The following GGA3 variants were observed in gnomAD, a reference collection of about 807,000 sequenced individuals.
GGA3 encodes the protein golgi associated, gamma adaptin ear containing, ARF binding protein 3.
In GGA3, 57 loss-of-function variants were observed where a neutral mutation model predicts 77.5. The ratio of observed to expected loss-of-function variants is 0.74; its 90% CI spans 0.59 to 0.92. GGA3 has a LOEUF of 0.92. Ranked by LOEUF, GGA3 falls within the 40% of genes least tolerant of loss-of-function variation. GGA3 has a pLI of 0.00. For synonymous variants in GGA3, 416 were observed against 383.7 expected, an observed-to-expected ratio of 1.08 and a Z score of -0.98; for missense variants, 970 against 914.9, an observed-to-expected ratio of 1.06 and a Z score of -0.78.
At position 75,243,331 on chromosome 17, in the gene GGA3, G is replaced by A. The variant is rs2076640392; in HGVS notation, c.424+116C>T. The A allele has an allele frequency of 2.2e-6, 3 of 1,361,450 alleles. No individual in the cohort carries two copies. The South Asian group carries it at 3.8e-5, about 17-fold the overall frequency. The allele number at this position is 1,361,450 out of a possible 1,614,324, so 84.3% of individuals were successfully genotyped here. The stretch of plus-strand genomic sequence containing the variant: ...TCCAACTCCGACTCAGCCTTGCCTG[G>A]GGACAAATGCTGTTCTCTTCAGGAG... On this transcript the variant is annotated intron_variant, in intron 5 of 16. Transcript: ENST00000537686.
intron 1 of GGA3, among the ~76,000 whole-genome samples, chr17:75,256,540 G>A (rs1395525394): frequency 2.0e-5 from 3 of 151,872 alleles, no homozygotes; most frequent in Admixed American, 6.6e-5. Context: ...CCCTGATCAC[G>A]CTTGATTTAT....
rs541997679 is a variant in GGA3, at chr17:75,239,598, C to A, written c.1584-27G>T. The A allele has an allele frequency of 2.0e-6, 3 of 1,531,934 alleles. No homozygotes were observed. The South Asian group carries it at 3.6e-5, about 18-fold the overall frequency. 94.9% of individuals were successfully genotyped at this position (1,531,934 alleles called of 1,614,324 possible). A position where few individuals can be genotyped will look rare whatever the true frequency, so the allele number is the denominator to read the frequency against. ...TGGGAGGTGGGAAGGATGGAAAGCA[C>A]GTCAGAGAGCCAGCCAGAGCTGCAG... On this transcript the variant is annotated intron_variant, in intron 13 of 16. Coordinates refer to ENST00000537686, the MANE Select transcript of GGA3 (RefSeq NM_138619.4).
At position 75,241,052 on chromosome 17, in the gene GGA3, T is replaced by A. The variant is rs139136653; in HGVS notation, c.952A>T (p.Ser318Cys). ...AGCGTGCCTTGGTTACTGCACTGACTGTTTCCTGGATGGGTCAACAGAGCA... is the reference window on the plus strand; with the variant it reads ...AGCGTGCCTTGGTTACTGCACTGACAGTTTCCTGGATGGGTCAACAGAGCA... The part of the protein sequence containing the change: ...TLTLPDSEGN[S>C]QCSNQGTLID... The change falls in exon 11 of 17, where the codon AGT becomes TGT. Residue 318 changes from serine (S) to cysteine (C), a missense_variant. By Grantham distance (112) the Ser-to-Cys change is moderately radical. Coordinates refer to ENST00000537686, the MANE Select transcript of GGA3 (RefSeq NM_138619.4). The A allele has an allele frequency of 2.5e-6, 4 of 1,614,112 alleles. No individual in the cohort carries two copies. Among genetic ancestry groups the A allele is most frequent in the Non-Finnish European group, 3.4e-6 (4 of 1,180,008 alleles).
rs565182323 is a variant in GGA3, at chr17:75,241,305, A to G, written c.946+95T>C. The stretch of plus-strand genomic sequence containing the variant: ...AAAGAACTCCCTTGGGCCTTGTGCA[A>G]CACCACCACGCTGGCCAGCCTACAC... On this transcript the variant is annotated intron_variant, in intron 10 of 16. Transcript: ENST00000537686. 7 of 862,538 alleles carry G rather than the reference A, an allele frequency of 8.1e-6. No homozygotes were observed. The African/African-American group carries it at 1.2e-4, about 14-fold the overall frequency. 53.4% of individuals were successfully genotyped at this position (862,538 alleles called of 1,614,324 possible). A position where few individuals can be genotyped will look rare whatever the true frequency, so the allele number is the denominator to read the frequency against.
At chr17:75,240,664 C>A in intron 11 of GGA3, 148 bp downstream of exon 11, 1 of 924,944 alleles carries the variant, frequency 1.1e-6, no homozygotes, top group East Asian at 2.6e-5. Context: ...CCCTCAGGGT[C>A]GCTGAACTTC....
At chr17:75,248,828 A>ACAACAAC (rs2076859496) in intron 1 of GGA3, 1 of 978,438 alleles carries the variant, frequency 1.0e-6, no homozygotes, top group Non-Finnish European at 1.2e-6. Flanking sequence ...AAACAAAAAA[A>ACAACAAC]AAAAAACTCA....
At position 75,240,062 on chromosome 17, in the gene GGA3, GC is replaced by G; in HGVS notation, c.1309del (p.Ala437LeufsTer87). On this transcript the variant is annotated frameshift_variant, in exon 13 of 17. Coordinates refer to ENST00000537686, the MANE Select transcript of GGA3 (RefSeq NM_138619.4). LOFTEE classifies it high-confidence loss of function. ...LDFFSPRPGT[A>X]ACGASDAPLL... ...AGGAGCATCGGAGGCGCCACAGGCA[GC>G]GGTCCCCGGCCTGGGGCTGAAGAAG... The G allele has an allele frequency of 6.4e-7, 1 of 1,551,838 alleles. No individual in the cohort carries two copies. The highest frequency in any genetic ancestry group is 8.7e-7 in the Non-Finnish European group (1 of 1,148,458).
At position 75,261,536 on chromosome 17, in the gene GGA3, G is replaced by A. The variant is rs1255916934; in HGVS notation, c.40+12C>T. ...GGCTCGAGGGCAGGCAGAAACGGCC[G>A]CGGCTACTCACTGAGCCAGGACTCC... is the stretch of plus-strand genomic sequence containing the variant. On this transcript the variant is annotated intron_variant, in intron 1 of 16. Transcript: ENST00000537686. 2.0e-6 allele frequency: 3 copies of A among 1,517,244 alleles called. No individual in the cohort carries two copies. In the African/African-American group the frequency reaches 4.2e-5, roughly 21 times the overall value. The allele number at this position is 1,517,244 out of a possible 1,614,324, so 94.0% of individuals were successfully genotyped here. A position where few individuals can be genotyped will look rare whatever the true frequency, so the allele number is the denominator to read the frequency against.
intron 2 of GGA3, 40 bp from the exon 3 acceptor site, chr17:75,246,624 G>A (rs375838390): frequency 6.3e-6 from 10 of 1,599,248 alleles, no homozygotes; most frequent in Admixed American, 1.7e-5. Flanking sequence ...CACTAAGCCT[G>A]GGGCTACCTG....
At chr17:75,242,298 C>T (rs766577319) in intron 8 of GGA3, 38 bp downstream of exon 8, 13 of 1,612,368 alleles carry the variant, frequency 8.1e-6, no homozygotes, top group African/African-American at 1.3e-5. Flanking sequence ...AAGGGCAGCG[C>T]AGCCCCGGGA....
intron 1 of GGA3, among the ~76,000 whole-genome samples, chr17:75,249,675 C>T (rs1380117016): frequency 6.6e-6 from 1 of 152,122 alleles, no homozygotes; most frequent in Non-Finnish European, 1.5e-5. Context: ...AATCCCCATC[C>T]CCCAGGGCTA....
chr17:75,248,977 G>C, intron 1 of GGA3: 1 of 985,292 alleles, frequency 1.0e-6, no homozygotes, highest in Non-Finnish European at 1.2e-6. Context: ...CCAGGTCGGG[G>C]CTCGGCCTCC....
intron 1 of GGA3, among the ~76,000 whole-genome samples, chr17:75,254,329 T>G (rs2077069100): frequency 6.6e-6 from 1 of 152,108 alleles, no homozygotes; most frequent in Non-Finnish European, 1.5e-5. Context: ...TGGTCCAGCT[T>G]ACAGTTTCGT....
Position 75,261,577 on chromosome 17 carries a change from G to C in GGA3, c.11C>G (p.Ala4Gly). MAEAEGESLESWLN... is the reference protein window; with the variant it reads MAEGEGESLESWLN... ...CCAGGACTCCAGGCTTTCCCCTTCC[G>C]CCTCCGCCATATTGCAGCCGCCCGG... Residue 4 changes from alanine to glycine, a missense_variant, in exon 1 of 17, where the codon GCG (alanine) becomes GGG (glycine). Ala to Gly is a moderately conservative substitution (Grantham distance 60, BLOSUM62 0). Coordinates refer to ENST00000537686, the MANE Select transcript of GGA3 (RefSeq NM_138619.4). 1 of 1,553,466 alleles carries C rather than the reference G, an allele frequency of 6.4e-7. No homozygotes were observed. The highest frequency in any genetic ancestry group is 8.7e-7 in the Non-Finnish European group (1 of 1,152,416).
chr17:75,261,589 T>C lies in GGA3; in HGVS notation c.-2A>G. The stretch of plus-strand genomic sequence containing the variant: ...GCTTTCCCCTTCCGCCTCCGCCATA[T>C]TGCAGCCGCCCGGCCCCGCGGCTTC... On this transcript the variant is annotated 5_prime_UTR_variant, in exon 1 of 17. Coordinates refer to ENST00000537686, the MANE Select transcript of GGA3 (RefSeq NM_138619.4). The C allele has an allele frequency of 6.5e-7, 1 of 1,549,888 alleles. No individual in the cohort carries two copies. Among genetic ancestry groups the C allele is most frequent in the Non-Finnish European group, 8.7e-7 (1 of 1,150,060 alleles).
chr17:75,241,987 G>C (rs1227207333), intron 8 of GGA3: 2 of 546,282 alleles, frequency 3.7e-6, no homozygotes, highest in Admixed American at 6.3e-5. Flanking sequence ...ACCCAACCAT[G>C]GCCTGCACCA....
chr17:75,243,296 C>A (rs2076638963), intron 5 of GGA3, 130 bp from the exon 6 acceptor site: 1 of 1,151,910 alleles, frequency 8.7e-7, no homozygotes. Flanking sequence ...GGCTGCTACA[C>A]CTTATCCCAT....
chr17:75,252,567 C>T (rs2077005908), intron 1 of GGA3, among the ~76,000 whole-genome samples: 1 of 152,132 alleles, frequency 6.6e-6, no homozygotes, highest in African/African-American at 2.4e-5. Flanking sequence ...CTCCTTCTCA[C>T]CTGCTTCTAG....
intron 1 of GGA3, among the ~76,000 whole-genome samples, chr17:75,254,615 C>G (rs1457609326): frequency 6.6e-6 from 1 of 152,064 alleles, no homozygotes; most frequent in Non-Finnish European, 1.5e-5. Context: ...AAATAAAACT[C>G]CAAAAATTAA....
Sources: gnomAD v4.1 joint callset for allele counts (sites outside exome capture counted in the v4.1 genomes callset) on GRCh38, gnomAD v4.1.1 for gene constraint, MANE v1.5 for transcripts, NCBI Gene and HGNC (gene_info 2026-07-23, HGNC 2026-07-21) for gene names.